IL1RAP: variants seen among roughly 807,000 people sequenced by gnomAD.
IL1RAP encodes interleukin 1 receptor accessory protein.
In IL1RAP, 35 loss-of-function variants were observed where a neutral mutation model predicts 60.7. The observed-to-expected ratio is 0.58, with a 90% CI of 0.44 to 0.76. The LOEUF (loss-of-function observed/expected upper bound fraction) is 0.76. Among genes scored for constraint, IL1RAP ranks in the 30% least tolerant of loss-of-function variants. IL1RAP has a pLI of 0.00. For synonymous variants in IL1RAP, 268 were observed against 250.9 expected (o/e 1.07, Z -0.64); for missense variants, 572 against 693.9 (o/e 0.82, Z 1.97).
downstream of IL1RAP, chr3:190,656,169 G>T: frequency 2.0e-6 from 3 of 1,537,272 alleles, no homozygotes; most frequent in Non-Finnish European, 2.6e-6. Context: ...CTTTGCGGTT[G>T]GCTCTTCCCC....
intron 1 of IL1RAP, among the ~76,000 whole-genome samples, chr3:190,541,620 T>C (rs1427859518): frequency 6.6e-6 from 1 of 152,190 alleles, no homozygotes; most frequent in Non-Finnish European, 1.5e-5. Context: ...TTAATTTGTA[T>C]TTTTATTGTA....
At chr3:190,527,842 C>T (rs1722649179) in intron 1 of IL1RAP, among the ~76,000 whole-genome samples, 1 of 147,114 alleles carries the variant, frequency 6.8e-6, no homozygotes, top group Non-Finnish European at 1.5e-5. Context: ...CACACACACA[C>T]ACACACACAC....
intron 3 of IL1RAP, among the ~76,000 whole-genome samples, chr3:190,575,637 G>A (rs1464608778): frequency 2.0e-5 from 3 of 152,224 alleles, no homozygotes; most frequent in Non-Finnish European, 2.9e-5. Context: ...GCGACGAAGA[G>A]GAAGCCGTGG....
At chr3:190,640,662 T>G (rs71310874) in intron 9 of IL1RAP, among the ~76,000 whole-genome samples, 1 of 152,040 alleles carries the variant, frequency 6.6e-6, no homozygotes, top group African/African-American at 2.4e-5. Flanking sequence ...ACTGCAATAA[T>G]AAAGATGACG....
At chr3:190,515,231 TC>T (rs1267757093) in intron 1 of IL1RAP, among the ~76,000 whole-genome samples, 60 of 126,004 alleles carry the variant, frequency 4.8e-4, no homozygotes, top group African/African-American at 2.2e-3. Context: ...CTTTCTTTCT[TC>T]CTTTTTTTTT....
At chr3:190,630,609 G>T (rs369643402) in intron 9 of IL1RAP, among the ~76,000 whole-genome samples, 3 of 152,160 alleles carry the variant, frequency 2.0e-5, no homozygotes, top group African/African-American at 7.2e-5. Flanking sequence ...TATATGCTGC[G>T]TATGAAGTAC....
At chr3:190,596,451 A>G (rs1729388754) in intron 3 of IL1RAP, among the ~76,000 whole-genome samples, 3 of 152,174 alleles carry the variant, frequency 2.0e-5, no homozygotes, top group Admixed American at 2.0e-4. Context: ...TGAAAGCCCT[A>G]GAGTGTGTTG....
At chr3:190,626,758 C>T (rs1577768247) in intron 7 of IL1RAP, among the ~76,000 whole-genome samples, 1 of 150,416 alleles carries the variant, frequency 6.6e-6, no homozygotes, top group Non-Finnish European at 1.5e-5. Context: ...GCAACCTCCA[C>T]CTCCTGAGTT....
intron 8 of IL1RAP, 126 bp downstream of exon 8, chr3:190,627,575 A>G (rs1732419320): frequency 1.6e-6 from 2 of 1,256,840 alleles, no homozygotes; most frequent in East Asian, 5.3e-5. Context: ...AATCGGCAAG[A>G]TTTTCAAATC....
intron 3 of IL1RAP, among the ~76,000 whole-genome samples, chr3:190,595,964 C>T (rs1431585281): frequency 1.3e-5 from 2 of 152,098 alleles, no homozygotes; most frequent in African/African-American, 2.4e-5. Context: ...GTACTGAGCT[C>T]GTTTTGCATG....
intron 9 of IL1RAP, among the ~76,000 whole-genome samples, chr3:190,631,137 A>G (rs1289492709): frequency 6.6e-6 from 1 of 152,140 alleles, no homozygotes; most frequent in African/African-American, 2.4e-5. Context: ...GGGAAGTTGG[A>G]TTATAGTGGC....
chr3:190,616,116 A>G (rs966278127), intron 5 of IL1RAP, among the ~76,000 whole-genome samples: 29 of 152,292 alleles, frequency 1.9e-4, no homozygotes, highest in African/African-American at 6.5e-4. Flanking sequence ...AGGACTCAAG[A>G]TTCATGACTT....
chr3:190,534,273 A>ATT (rs11402455), intron 1 of IL1RAP, among the ~76,000 whole-genome samples: 63 of 146,920 alleles, frequency 4.3e-4, no homozygotes, highest in African/African-American at 1.2e-3. Context: ...AGCCCACTTC[A>ATT]TTTTTTTTTT....
chr3:190,620,844 G>A (rs1049882527), intron 6 of IL1RAP, among the ~76,000 whole-genome samples: 1 of 152,170 alleles, frequency 6.6e-6, no homozygotes, highest in African/African-American at 2.4e-5. Flanking sequence ...GCAAGCAATA[G>A]AGACTCAGTG....
At chr3:190,549,409 T>C (rs189088698) in intron 1 of IL1RAP, among the ~76,000 whole-genome samples, 2 of 151,552 alleles carry the variant, frequency 1.3e-5, no homozygotes, top group African/African-American at 4.9e-5. Context: ...CAGGGGGTGC[T>C]GTTTTGGGAA....
chr3:190,519,728 T>C (rs1294068233), intron 1 of IL1RAP, among the ~76,000 whole-genome samples: 5 of 152,178 alleles, frequency 3.3e-5, no homozygotes, highest in Admixed American at 6.5e-5. Context: ...TAAATGCATA[T>C]AACATCTTCT....
rs1734335304 is a variant in IL1RAP, at chr3:190,650,592, A to G, written c.*1887A>G. 1 of 865,650 alleles carries G rather than the reference A, an allele frequency of 1.2e-6. No individual in the cohort carries two copies. 53.6% of individuals were successfully genotyped at this position (865,650 alleles called of 1,614,324 possible). On this transcript the variant is annotated 3_prime_UTR_variant, in exon 12 of 12. Transcript: ENST00000447382. The stretch of plus-strand genomic sequence containing the variant: ...ATGAACAAATGTAAAATTATATCCT[A>G]TATTTAAGTACCCATAATAAATCAT...
rs190094741 is a variant in IL1RAP, at chr3:190,543,863, G to A, written c.-88-12267G>A. Among the ~76,000 whole-genome samples, 9 of 152,310 alleles carry A rather than the reference G, an allele frequency of 5.9e-5. No homozygotes were observed. In the East Asian group the frequency reaches 1.7e-3, roughly 29 times the overall value. ...AGTAGCACTAGGATATGATGTGTGA[G>A]CAAATTGCTTTGGGCTTTGTCATCA... On this transcript the variant is annotated intron_variant, in intron 1 of 11. Transcript: ENST00000447382.
Position 190,608,544 on chromosome 3 carries a change from G to T in IL1RAP, c.351-451G>T, listed in dbSNP as rs1330992537. Among the ~76,000 whole-genome samples, 6 of 152,234 alleles carry T rather than the reference G, an allele frequency of 3.9e-5. No individual in the cohort carries two copies. The East Asian group carries it at 1.2e-3, about 29-fold the overall frequency. ...ACTATACACTTTTATTTGTCTGACG[G>T]TGCATAGGTTTGTTTATACCAGCAT... On this transcript the variant is annotated intron_variant, in intron 4 of 11. Transcript: ENST00000447382.
Sources: gnomAD v4.1 joint callset for allele counts (sites outside exome capture counted in the v4.1 genomes callset) on GRCh38, gnomAD v4.1.1 for gene constraint, MANE v1.5 for transcripts, NCBI Gene and HGNC (gene_info 2026-07-23, HGNC 2026-07-21) for gene names.